URB1: variants seen among roughly 807,000 people sequenced by gnomAD.
URB1 encodes the protein nucleolar pre-ribosomal-associated protein 1.
URB1 carries 197 observed loss-of-function variants against 242.3 expected under a neutral mutation model. That is an observed-to-expected ratio of 0.81 (90% CI 0.72 to 0.91). The LOEUF (loss-of-function observed/expected upper bound fraction) is 0.91, where lower values mean the gene tolerates loss of function less well. Among genes scored for constraint, URB1 ranks in the 40% least tolerant of loss-of-function variants. URB1 has a pLI of 0.00. For missense variants in URB1, 2,721 were observed against 2,860.5 expected, an observed-to-expected ratio of 0.95 and a Z score of 1.11; for synonymous variants, 1,153 against 1,201.8, an observed-to-expected ratio of 0.96 and a Z score of 0.84.
intron 4 of URB1, among the ~76,000 whole-genome samples, chr21:32,379,148 C>T (rs752919683): frequency 1.3e-5 from 2 of 152,260 alleles, no homozygotes; most frequent in African/African-American, 2.4e-5. Context: ...GCACTGGGCA[C>T]GTTTGGGGAG....
intron 26 of URB1, 27 bp downstream of exon 26, chr21:32,338,680 A>G: frequency 6.5e-7 from 1 of 1,549,920 alleles, no homozygotes; most frequent in Non-Finnish European, 8.7e-7. Context: ...CTGGATACGG[A>G]ATGGAAGGGC....
At chr21:32,379,188 C>T (rs1320559761) in intron 4 of URB1, among the ~76,000 whole-genome samples, 2 of 152,224 alleles carry the variant, frequency 1.3e-5, no homozygotes, top group Non-Finnish European at 2.9e-5. Context: ...CAGCCAGTGC[C>T]TCTAGGGAAG....
chr21:32,389,314 G>A (rs975286754), intron 1 of URB1, among the ~76,000 whole-genome samples: 1 of 152,180 alleles, frequency 6.6e-6, no homozygotes, highest in African/African-American at 2.4e-5. Context: ...AAGCAGGCAG[G>A]GCTAGATGAA....
At chr21:32,339,494 C>CTT (rs751108545) in intron 25 of URB1, among the ~76,000 whole-genome samples, 4 of 139,138 alleles carry the variant, frequency 2.9e-5, no homozygotes, top group African/African-American at 5.3e-5. Context: ...TTTTTTTTTT[C>CTT]TTTTTTTTTT....
At chr21:32,375,159 T>C (rs1369090873) in intron 6 of URB1, among the ~76,000 whole-genome samples, 1 of 152,210 alleles carries the variant, frequency 6.6e-6, no homozygotes, top group Non-Finnish European at 1.5e-5. Context: ...GCTGCTGTAA[T>C]AAAACAGCAG....
rs1453189468 is a variant in URB1 at position 32,347,596 on chromosome 21, T to C, written c.3228A>G (p.Ser1076=). 6.4e-7 allele frequency: 1 copy of C among 1,551,472 alleles called. No homozygotes were observed. The highest frequency in any genetic ancestry group is 8.7e-7 in the Non-Finnish European group (1 of 1,146,950). ...TCAGCACACTCTGGGTGATGGCCTC[T>C]GAGTACCTGGCCAGAAGGCCCAGCT... ...IGQLGLLARY[S]EAITQSVLKE... Residue 1076 remains serine (S), a synonymous_variant, in exon 22 of 39, where the codon TCA becomes TCG. Transcript: ENST00000382751.
In URB1 at chr21:32,321,850, T is replaced by C; in HGVS notation, c.5435A>G (p.His1812Arg). 1 of 1,551,748 alleles carries C rather than the reference T, an allele frequency of 6.4e-7. No homozygotes were observed. Among genetic ancestry groups the C allele is most frequent in the Non-Finnish European group, 8.7e-7 (1 of 1,147,010 alleles). ...GCTGTGGAAGAAGGACAGGATGATGTGGAAGATGCCACGCCGGGCACACAG... is the reference window on the plus strand; with the variant it reads ...GCTGTGGAAGAAGGACAGGATGATGCGGAAGATGCCACGCCGGGCACACAG... The part of the protein sequence containing the change: ...YELCARRGIF[H>R]IILSFFHSPL... Residue 1812 changes from histidine (H) to arginine (R), a missense_variant, in exon 34 of 39, where the codon CAC (histidine) becomes CGC (arginine). Coordinates refer to ENST00000382751, the MANE Select transcript of URB1 (RefSeq NM_014825.3).
chr21:32,341,809 A>G (rs1042361667), intron 24 of URB1, among the ~76,000 whole-genome samples: 2 of 152,214 alleles, frequency 1.3e-5, no homozygotes, highest in East Asian at 3.9e-4. Flanking sequence ...GGGAAAAATC[A>G]CTGAGCAGTT....
intron 1 of URB1, among the ~76,000 whole-genome samples, chr21:32,387,033 T>C (rs148036414): frequency 6.6e-6 from 1 of 152,268 alleles, no homozygotes; most frequent in Non-Finnish European, 1.5e-5. Flanking sequence ...TCAGTTGACA[T>C]CAGTGCTCTT....
intron 28 of URB1, 51 bp from the exon 29 acceptor site, chr21:32,334,385 G>T: frequency 6.7e-7 from 1 of 1,496,156 alleles, no homozygotes; most frequent in Non-Finnish European, 9.0e-7. Context: ...CCCGGGAACA[G>T]AATTAATCAT....
chr21:32,332,871 A>T (rs1246776211), intron 30 of URB1, among the ~76,000 whole-genome samples: 1 of 152,118 alleles, frequency 6.6e-6, no homozygotes, highest in Non-Finnish European at 1.5e-5. Context: ...CCCACAACCC[A>T]TTCACCCACA....
intron 35 of URB1, 146 bp downstream of exon 35, chr21:32,320,385 T>C (rs2032749960): frequency 7.9e-6 from 5 of 634,428 alleles, no homozygotes; most frequent in Middle Eastern, 2.6e-4. Flanking sequence ...CTGCCAGGCA[T>C]ATGGTAGCAT....
rs2123584325 is a variant in URB1 at position 32,350,940 on chromosome 21, A to G, written c.2614-18T>C. The G allele has an allele frequency of 6.5e-7, 1 of 1,536,868 alleles. No individual in the cohort carries two copies. Among genetic ancestry groups the G allele is most frequent in the Non-Finnish European group, 8.7e-7 (1 of 1,143,254 alleles). ...TGCAGCAGCTGAGGGAGACAGCAAA[A>G]GGCCGGGGAAGAGAAAGACACATCA... is the stretch of plus-strand genomic sequence containing the variant. On this transcript the variant is annotated intron_variant, in intron 19 of 38. Transcript: ENST00000382751.
intron 5 of URB1, among the ~76,000 whole-genome samples, chr21:32,377,683 G>A (rs904245278): frequency 3.9e-5 from 6 of 152,026 alleles, no homozygotes; most frequent in Non-Finnish European, 5.9e-5. Context: ...AAATCGTCCC[G>A]GCAGTCACGT....
At chr21:32,334,998 C>T (rs1304628900) in intron 28 of URB1, among the ~76,000 whole-genome samples, 1 of 152,184 alleles carries the variant, frequency 6.6e-6, no homozygotes, top group Non-Finnish European at 1.5e-5. Context: ...CCTCCTCCCT[C>T]CCCCATCCAC....
In URB1 at chr21:32,355,466, TCA is replaced by T. The variant is rs1310847173; in HGVS notation, c.2087_2088del (p.Val696AspfsTer24). 2 of 1,551,342 alleles carry T rather than the reference TCA, an allele frequency of 1.3e-6. No individual in the cohort carries two copies. Among genetic ancestry groups the T allele is most frequent in the African/African-American group, 1.4e-5 (1 of 73,048 alleles). ...ENTMEEDKET[V>X]IQFLERILLT... ...GTGCTTACGCGTTCCAGAAACTGAA[TCA>T]CAGTCTCTTTGTCCTCTTCCATGGT... is the stretch of plus-strand genomic sequence containing the variant. On this transcript the variant is annotated frameshift_variant, in exon 16 of 39. Coordinates refer to ENST00000382751, the MANE Select transcript of URB1 (RefSeq NM_014825.3). LOFTEE classifies it high-confidence loss of function.
intron 5 of URB1, among the ~76,000 whole-genome samples, chr21:32,376,160 T>C (rs979789118): frequency 1.3e-5 from 2 of 152,258 alleles, no homozygotes; most frequent in African/African-American, 4.8e-5. Flanking sequence ...CTCTCTTGCT[T>C]AGACTTGCTG....
At chr21:32,352,078 T>C (rs954005613) in intron 19 of URB1, among the ~76,000 whole-genome samples, 7 of 152,218 alleles carry the variant, frequency 4.6e-5, no homozygotes, top group African/African-American at 1.7e-4. Context: ...TGGCTATTGC[T>C]ACCAATATCA....
chr21:32,329,622 A>G (rs2032870965), intron 30 of URB1, among the ~76,000 whole-genome samples: 1 of 152,212 alleles, frequency 6.6e-6, no homozygotes, highest in South Asian at 2.1e-4. Flanking sequence ...CAAGGACTCA[A>G]AGAAGGGAAG....
Sources: allele counts gnomAD v4.1 joint callset (sites outside exome capture counted in the v4.1 genomes callset), GRCh38; gene constraint gnomAD v4.1.1; transcripts MANE v1.5; gene names NCBI Gene and HGNC (gene_info 2026-07-23, HGNC 2026-07-21).